The following ECT2L variants were observed in gnomAD, a reference collection of about 807,000 sequenced individuals.
The protein encoded by ECT2L is epithelial cell-transforming sequence 2 oncogene-like.
Under a neutral mutation model 122.8 loss-of-function variants are expected in ECT2L, and 126 were observed. The observed-to-expected ratio is 1.03, with a 90% CI of 0.89 to 1.19. The LOEUF (loss-of-function observed/expected upper bound fraction) is 1.19, where lower values mean the gene tolerates loss of function less well. Ranked by LOEUF, ECT2L falls within the 50% of genes most tolerant of loss-of-function variation. ECT2L has a pLI of 0.00. For synonymous variants in ECT2L, 385 were observed against 381.8 expected (o/e 1.01, Z -0.10); for missense variants, 1,012 against 1,064.1 (o/e 0.95, Z 0.68).
chr6:138,851,063 G>A (rs1216075953), intron 9 of ECT2L, among the ~76,000 whole-genome samples: 1 of 149,450 alleles, frequency 6.7e-6, no homozygotes, highest in East Asian at 2.0e-4. Context: ...AATTCTCGAT[G>A]CTGTTTTCCA....
intron 13 of ECT2L, among the ~76,000 whole-genome samples, chr6:138,873,202 A>G (rs1778314740): frequency 6.6e-6 from 1 of 151,264 alleles, no homozygotes; most frequent in Admixed American, 6.7e-5. Context: ...GAAAAATGCA[A>G]AACTCCTTAA....
At chr6:138,801,694 G>A (rs1022641528) in intron 1 of ECT2L, among the ~76,000 whole-genome samples, 1 of 152,178 alleles carries the variant, frequency 6.6e-6, no homozygotes, top group Non-Finnish European at 1.5e-5. Flanking sequence ...GGTGGAAGTT[G>A]CAGTGAGCCA....
intron 10 of ECT2L, among the ~76,000 whole-genome samples, chr6:138,858,184 C>T (rs987215405): frequency 2.6e-5 from 4 of 152,062 alleles, no homozygotes; most frequent in Non-Finnish European, 4.4e-5. Context: ...ATGCTGAGGA[C>T]CCCAAATTTA....
chr6:138,831,785 T>C (rs1776656312), intron 4 of ECT2L, among the ~76,000 whole-genome samples: 1 of 152,250 alleles, frequency 6.6e-6, no homozygotes, highest in Non-Finnish European at 1.5e-5. Context: ...GTTGATTTAA[T>C]AAGTGAATCC....
At chr6:138,844,658 A>T in intron 7 of ECT2L, 78 bp downstream of exon 7, 1 of 1,374,564 alleles carries the variant, frequency 7.3e-7, no homozygotes, top group Non-Finnish European at 1.0e-6. Flanking sequence ...TTTAGCTATC[A>T]CGCAGAAATC....
At position 138,847,355 on chromosome 6, in the gene ECT2L, C is replaced by CTTTTTTTTTTTTTTTTTTTTT. The variant is rs1170631663; in HGVS notation, c.903+691_903+711dup. 7.3e-5 allele frequency among the ~76,000 whole-genome samples: 4 copies of CTTTTTTTTTTTTTTTTTTTTT among 54,904 alleles called. 2 individuals are homozygous for CTTTTTTTTTTTTTTTTTTTTT. Among genetic ancestry groups the CTTTTTTTTTTTTTTTTTTTTT allele is most frequent in the African/African-American group, 3.3e-4 (4 of 12,272 alleles). The allele number at this position is 54,904 out of a possible 152,430, so 36.0% of individuals were successfully genotyped here. On this transcript the variant is annotated intron_variant, in intron 8 of 21. Transcript: ENST00000541398. The stretch of plus-strand genomic sequence containing the variant: ...TTTGAAAAAGCATTAAAGGCCCAAA[C>CTTTTTTTTTTTTTTTTTTTTT]TTTTTTTTTTTTTTTTTTTTTTTTT...
In ECT2L at chr6:138,838,352, G is replaced by T; in HGVS notation, c.180G>T (p.Arg60Ser). The T allele has an allele frequency of 6.4e-7, 1 of 1,572,778 alleles. No individual in the cohort carries two copies. The highest frequency in any genetic ancestry group is 8.6e-7 in the Non-Finnish European group (1 of 1,166,184). ...IFLRCTKSQL[R>S]FVQDWFSERM... is the part of the protein sequence containing the mutation. ...AAACTAAATTTCTCTTTCTTTTTAG[G>T]TTTGTCCAAGACTGGTTTTCAGAAA... The change falls in exon 5 of 22, where the codon AGG becomes AGT. Residue 60 changes from arginine to serine, a missense_variant and splice_region_variant. Coordinates refer to ENST00000541398, the MANE Select transcript of ECT2L (RefSeq NM_001077706.3).
Position 138,902,819 on chromosome 6 carries a change from A to G in ECT2L, c.*192A>G. On this transcript the variant is annotated 3_prime_UTR_variant, in exon 22 of 22. Coordinates refer to ENST00000541398, the MANE Select transcript of ECT2L (RefSeq NM_001077706.3). ...GCTCACTTATGTAGAATGTATAAGT[A>G]CATTTTGAGTCCAAAATTTTGAACT... 1.7e-6 allele frequency: 1 copy of G among 579,074 alleles called. No homozygotes were observed. The highest frequency in any genetic ancestry group is 2.8e-6 in the Non-Finnish European group (1 of 352,210). The allele number at this position is 579,074 out of a possible 1,614,324, so 35.9% of individuals were successfully genotyped here.
rs2128416714 is a variant in ECT2L, at chr6:138,902,725, T to C, written c.*98T>C. 2 of 1,404,940 alleles carry C rather than the reference T, an allele frequency of 1.4e-6. No individual in the cohort carries two copies. Among genetic ancestry groups the C allele is most frequent in the South Asian group, 1.2e-5 (1 of 81,302 alleles). The allele number at this position is 1,404,940 out of a possible 1,614,324, so 87.0% of individuals were successfully genotyped here. A position where few individuals can be genotyped will look rare whatever the true frequency, so the allele number is the denominator to read the frequency against. Reference sequence around the variant, plus strand: ...AATATCCAGTAAGAAACAGAATAACTGTCATGGATGATGAGATAAACTAAG... The same window carrying C: ...AATATCCAGTAAGAAACAGAATAACCGTCATGGATGATGAGATAAACTAAG... On this transcript the variant is annotated 3_prime_UTR_variant, in exon 22 of 22. Coordinates refer to ENST00000541398, the MANE Select transcript of ECT2L (RefSeq NM_001077706.3).
At chr6:138,886,713 C>T (rs569205012) in intron 18 of ECT2L, 144 bp from the exon 19 acceptor site, 11 of 650,882 alleles carry the variant, frequency 1.7e-5, no homozygotes, top group South Asian at 7.7e-5. Context: ...TCACTACACC[C>T]GGCCCAGAAA....
chr6:138,798,758 G>T (rs1420049159), intron 1 of ECT2L, among the ~76,000 whole-genome samples: 1 of 152,318 alleles, frequency 6.6e-6, no homozygotes, highest in Non-Finnish European at 1.5e-5. Flanking sequence ...GATGGACTCT[G>T]TACTTTTATA....
chr6:138,896,397 A>G (rs1286455351), intron 20 of ECT2L, among the ~76,000 whole-genome samples: 1 of 152,186 alleles, frequency 6.6e-6, no homozygotes, highest in Non-Finnish European at 1.5e-5. Context: ...TATACTGCCA[A>G]AAAGATACAC....
chr6:138,827,768 A>C (rs1297453247), intron 4 of ECT2L, among the ~76,000 whole-genome samples: 1 of 152,136 alleles, frequency 6.6e-6, no homozygotes, highest in East Asian at 1.9e-4. Context: ...CATGTTGGCC[A>C]GACTGGTTTC....
chr6:138,897,696 C>T (rs892922247), intron 20 of ECT2L, among the ~76,000 whole-genome samples: 4 of 152,156 alleles, frequency 2.6e-5, no homozygotes, highest in African/African-American at 2.4e-5. Context: ...CAGAATCAGA[C>T]TGAAATAATA....
At chr6:138,893,702 G>A (rs1043519222) in intron 20 of ECT2L, among the ~76,000 whole-genome samples, 19 of 152,112 alleles carry the variant, frequency 1.2e-4, no homozygotes, top group Non-Finnish European at 2.5e-4. Flanking sequence ...GATTACAGGC[G>A]TGAGCCACCG....
chr6:138,864,002 T>TAAAAAAAA lies in ECT2L; in HGVS notation c.1292-974_1292-967dup, dbSNP rs1172466449. On this transcript the variant is annotated intron_variant, in intron 11 of 21. Coordinates refer to ENST00000541398, the MANE Select transcript of ECT2L (RefSeq NM_001077706.3). ...CTCTCTTGTTCTCATTCTCCGTATTTAAAAAAAAAAAAAAAAAAAAAAAAA... is the reference window on the plus strand; with the variant it reads ...CTCTCTTGTTCTCATTCTCCGTATTTAAAAAAAAAAAAAAAAAAAAAAAAAAAAAAAAA... Among the ~76,000 whole-genome samples the TAAAAAAAA allele has an allele frequency of 2.6e-3, 146 of 55,866 alleles. 21 individuals carry two copies. The highest frequency in any genetic ancestry group is 0.011 in the African/African-American group (139 of 12,770). 36.7% of individuals were successfully genotyped at this position (55,866 alleles called of 152,430 possible).
chr6:138,878,306 T>TATACACACAC (rs139026623), intron 14 of ECT2L, among the ~76,000 whole-genome samples: 1,678 of 150,306 alleles, frequency 0.011, 30 homozygotes, highest in African/African-American at 0.039. Context: ...CATATATATA[T>TATACACACAC]ACACACACAC....
intron 4 of ECT2L, among the ~76,000 whole-genome samples, chr6:138,821,731 A>G (rs979400311): frequency 6.6e-6 from 1 of 152,268 alleles, no homozygotes; most frequent in African/African-American, 2.4e-5. Context: ...TTCTGAGTGC[A>G]TGGGACTCAA....
Position 138,864,002 on chromosome 6 carries a change from T to TAAAAAA in ECT2L, c.1292-972_1292-967dup, listed in dbSNP as rs1172466449. On this transcript the variant is annotated intron_variant, in intron 11 of 21. Transcript: ENST00000541398. ...CTCTCTTGTTCTCATTCTCCGTATT[T>TAAAAAA]AAAAAAAAAAAAAAAAAAAAAAAAA... Among the ~76,000 whole-genome samples, 11 of 55,870 alleles carry TAAAAAA rather than the reference T, an allele frequency of 2.0e-4. 1 individual carries two copies. Among genetic ancestry groups the TAAAAAA allele is most frequent in the African/African-American group, 4.7e-4 (6 of 12,776 alleles). The allele number at this position is 55,870 out of a possible 152,430, so 36.7% of individuals were successfully genotyped here. A position where few individuals can be genotyped will look rare whatever the true frequency, so the allele number is the denominator to read the frequency against.
Sources: gnomAD v4.1 joint callset for allele counts (sites outside exome capture counted in the v4.1 genomes callset) on GRCh38, gnomAD v4.1.1 for gene constraint, MANE v1.5 for transcripts, NCBI Gene and HGNC (gene_info 2026-07-23, HGNC 2026-07-21) for gene names.